UMAD1: variants seen among roughly 807,000 people sequenced by gnomAD.
The protein encoded by UMAD1 is UBAP1-MVB12-associated (UMA)-domain containing protein 1.
UMAD1 carries 8 observed loss-of-function variants against 6.1 expected under a neutral mutation model. The observed-to-expected ratio is 1.30, with a 90% CI of 0.76 to 2.35. UMAD1 has a LOEUF of 2.35. Among genes scored for constraint, UMAD1 ranks in the 30% most tolerant of loss-of-function variants. The pLI is 0.00. For synonymous variants in UMAD1, 56 were observed against 31.4 expected (o/e 1.78, Z -2.61); for missense variants, 130 against 78.4 (o/e 1.66, Z -2.49).
intron 3 of UMAD1, among the ~76,000 whole-genome samples, chr7:7,873,170 A>G (rs2115343125): frequency 6.6e-6 from 1 of 152,260 alleles, no homozygotes; most frequent in South Asian, 2.1e-4. Flanking sequence ...GGCACGGAGA[A>G]GTTAAATATT....
At chr7:7,717,565 A>T (rs1399239050) in intron 2 of UMAD1, among the ~76,000 whole-genome samples, 1 of 152,150 alleles carries the variant, frequency 6.6e-6, no homozygotes, top group Non-Finnish European at 1.5e-5. Context: ...ATGATTTCCC[A>T]CTTTAACTGA....
chr7:7,851,765 T>C (rs1473836629), intron 3 of UMAD1, among the ~76,000 whole-genome samples: 7 of 152,222 alleles, frequency 4.6e-5, no homozygotes, highest in African/African-American at 7.2e-5. Context: ...TTCTAAAAAA[T>C]ATATTCTAGA....
At chr7:7,762,324 G>C (rs1781907046) in intron 2 of UMAD1, among the ~76,000 whole-genome samples, 1 of 152,054 alleles carries the variant, frequency 6.6e-6, no homozygotes, top group South Asian at 2.1e-4. Flanking sequence ...AAAAAATCTT[G>C]ACTCTTGTTT....
chr7:7,809,374 G>A (rs1004551556), intron 3 of UMAD1, among the ~76,000 whole-genome samples: 2 of 151,878 alleles, frequency 1.3e-5, no homozygotes, highest in Non-Finnish European at 2.9e-5. Context: ...GTAATTTAGG[G>A]AAAAGTTGAT....
chr7:7,778,273 T>TGA (rs1193832166), intron 2 of UMAD1, among the ~76,000 whole-genome samples: 4,678 of 94,282 alleles, frequency 0.05, 76 homozygotes, highest in Non-Finnish European at 0.067. Context: ...TGTGTGTGTG[T>TGA]GTGAGAGAGA....
intron 3 of UMAD1, among the ~76,000 whole-genome samples, chr7:7,838,906 T>C (rs1435985333): frequency 6.6e-6 from 1 of 152,166 alleles, no homozygotes; most frequent in Non-Finnish European, 1.5e-5. Context: ...GAGAGAAATA[T>C]ATAGATATAT....
chr7:7,645,540 A>G (rs958617270), intron 1 of UMAD1, among the ~76,000 whole-genome samples: 2 of 152,206 alleles, frequency 1.3e-5, no homozygotes, highest in East Asian at 1.9e-4. Flanking sequence ...GTGGACCCGC[A>G]TTCAGCTTCC....
intron 3 of UMAD1, among the ~76,000 whole-genome samples, chr7:7,852,660 CAGGAACTCTGTTCCTGTGG>C (rs1290550038): frequency 2.0e-5 from 3 of 152,188 alleles, no homozygotes; most frequent in African/African-American, 7.2e-5. Flanking sequence ...GTCATGAGCA[CAGGAACTCTGTTCCTGTGG>C]AGCTGGCACG....
chr7:7,818,490 G>A (rs567329954), intron 3 of UMAD1, among the ~76,000 whole-genome samples: 9 of 152,264 alleles, frequency 5.9e-5, no homozygotes, highest in African/African-American at 2.2e-4. Context: ...AGTCAGAATG[G>A]CTATTAATAA....
intron 2 of UMAD1, among the ~76,000 whole-genome samples, chr7:7,764,526 C>T (rs1781950104): frequency 6.6e-6 from 1 of 152,140 alleles, no homozygotes; most frequent in South Asian, 2.1e-4. Flanking sequence ...TGTTCATAGG[C>T]AGTTCTCAAT....
At chr7:7,694,755 T>G (rs1780267255) in intron 2 of UMAD1, among the ~76,000 whole-genome samples, 1 of 152,236 alleles carries the variant, frequency 6.6e-6, no homozygotes, top group South Asian at 2.1e-4. Context: ...CCATTGTGCA[T>G]ACGTACCACG....
At chr7:7,642,113 G>C (rs1433569856) in intron 1 of UMAD1, among the ~76,000 whole-genome samples, 1 of 152,112 alleles carries the variant, frequency 6.6e-6, no homozygotes, top group Non-Finnish European at 1.5e-5. Context: ...TTATATAGGG[G>C]AGAGTACACA....
intron 3 of UMAD1, 46 bp downstream of exon 3, chr7:7,801,789 A>G (rs368654291): frequency 5.6e-6 from 4 of 713,856 alleles, no homozygotes; most frequent in East Asian, 2.7e-5. Flanking sequence ...TGAACAAGTC[A>G]CTATGATTAC....
Position 7,877,622 on chromosome 7 carries a change from C to A in UMAD1, c.*84C>A, listed in dbSNP as rs1784448334. The A allele has an allele frequency of 4.5e-6, 3 of 662,188 alleles. No homozygotes were observed. The Admixed American group carries it at 6.3e-5, about 14-fold the overall frequency. 41.0% of individuals were successfully genotyped at this position (662,188 alleles called of 1,614,324 possible). A position where few individuals can be genotyped will look rare whatever the true frequency, so the allele number is the denominator to read the frequency against. On this transcript the variant is annotated 3_prime_UTR_variant, in exon 4 of 4. Transcript: ENST00000682710. ...CTGTTTGATGTTCTTTGCCGTTTCA[C>A]TGTTTAAGGTCCTCAGCAAGGATCA...
intron 3 of UMAD1, among the ~76,000 whole-genome samples, chr7:7,874,647 T>C (rs1056561954): frequency 2.0e-5 from 3 of 152,192 alleles, no homozygotes; most frequent in African/African-American, 7.2e-5. Flanking sequence ...TGAAACCCTG[T>C]TTCTACTAAA....
chr7:7,864,041 G>C (rs1005666730), intron 3 of UMAD1, among the ~76,000 whole-genome samples: 4 of 152,204 alleles, frequency 2.6e-5, no homozygotes, highest in African/African-American at 7.2e-5. Context: ...TGAATTTCCT[G>C]AGTAATAGGG....
chr7:7,750,440 C>A (rs1054486038), intron 2 of UMAD1, among the ~76,000 whole-genome samples: 1 of 152,102 alleles, frequency 6.6e-6, no homozygotes. Flanking sequence ...TTGTCTTTGG[C>A]AGTTTGAAAT....
At chr7:7,773,077 GT>G (rs1315230607) in intron 2 of UMAD1, among the ~76,000 whole-genome samples, 22 of 152,158 alleles carry the variant, frequency 1.4e-4, no homozygotes, top group African/African-American at 5.1e-4. Flanking sequence ...TTTGTAACAA[GT>G]GCAAACTAAA....
At chr7:7,696,301 TA>T (rs758654378) in intron 2 of UMAD1, among the ~76,000 whole-genome samples, 720 of 144,164 alleles carry the variant, frequency 5.0e-3, no homozygotes, top group African/African-American at 8.0e-3. Context: ...TTAGGTAGAT[TA>T]AAAAAAAAAA....
Sources: allele counts gnomAD v4.1 joint callset (sites outside exome capture counted in the v4.1 genomes callset), GRCh38; gene constraint gnomAD v4.1.1; transcripts MANE v1.5; gene names NCBI Gene and HGNC (gene_info 2026-07-23, HGNC 2026-07-21).